ESR1: variants seen among roughly 807,000 people sequenced by gnomAD.
The protein encoded by ESR1 is estrogen receptor 1.
Under a neutral mutation model 52.7 loss-of-function variants are expected in ESR1, and 12 were observed. That is an observed-to-expected ratio of 0.23 (90% CI 0.15 to 0.37). The LOEUF is 0.37. Ranked by LOEUF, ESR1 falls within the 10% of genes least tolerant of loss-of-function variation. The probability of loss-of-function intolerance (pLI) is 1.00; values close to 1 mark genes in which losing one functional copy is unlikely to be tolerated. For synonymous variants in ESR1, 305 were observed against 316.8 expected (o/e 0.96, Z 0.39); for missense variants, 584 against 779.7 (o/e 0.75, Z 2.99).
intron 3 of ESR1, among the ~76,000 whole-genome samples, chr6:151,919,601 G>A (rs1483102062): frequency 6.6e-5 from 10 of 152,140 alleles, no homozygotes; most frequent in Admixed American, 5.9e-4. Flanking sequence ...ACCCCATGTC[G>A]AACATGTTGA....
chr6:151,888,290 A>G lies in ESR1; in HGVS notation c.760+7519A>G, dbSNP rs78348384. On this transcript the variant is annotated intron_variant, in intron 3 of 7. Coordinates refer to ENST00000206249, the MANE Select transcript of ESR1 (RefSeq NM_000125.4). ...TATTTTTAACAATATTAATTCTTCC[A>G]GTCTATGTATGGTATATCTTTCCAT... is the stretch of plus-strand genomic sequence containing the variant. Among the ~76,000 whole-genome samples, 147 of 152,284 alleles carry G rather than the reference A, an allele frequency of 9.7e-4. 1 individual carries two copies. Among genetic ancestry groups the G allele is most frequent in the East Asian group, 7.5e-3 (39 of 5,194 alleles).
chr6:152,122,814 C>G, intron 6 of ESR1: 1 of 1,322,056 alleles, frequency 7.6e-7, no homozygotes, highest in Non-Finnish European at 1.1e-6. Context: ...CAGCCTTCCA[C>G]AGTGTGCCCA....
intron 3 of ESR1, among the ~76,000 whole-genome samples, chr6:151,922,457 G>A (rs553452413): frequency 1.4e-4 from 22 of 152,254 alleles, no homozygotes; most frequent in Admixed American, 9.2e-4. Flanking sequence ...ATTAGTATCA[G>A]CCATCTAGAA....
intron 2 of ESR1, among the ~76,000 whole-genome samples, chr6:151,795,446 C>T (rs1018996943): frequency 6.7e-6 from 1 of 149,068 alleles, no homozygotes; most frequent in African/African-American, 2.5e-5. Context: ...TGAAATCGCA[C>T]CACTGCACTC....
intron 3 of ESR1, among the ~76,000 whole-genome samples, chr6:151,912,290 A>T (rs541793375): frequency 1.3e-5 from 2 of 152,342 alleles, no homozygotes; most frequent in South Asian, 4.1e-4. Flanking sequence ...TTCGGTTGAA[A>T]CAGATTTTGG....
chr6:151,950,836 A>C (rs887963773), intron 4 of ESR1, among the ~76,000 whole-genome samples: 1 of 141,230 alleles, frequency 7.1e-6, no homozygotes, highest in Non-Finnish European at 1.6e-5. Context: ...CTAGTTTTTG[A>C]TACTTTGTAT....
At chr6:152,066,192 C>T (rs1024229320) in intron 6 of ESR1, among the ~76,000 whole-genome samples, 1 of 152,224 alleles carries the variant, frequency 6.6e-6, no homozygotes, top group African/African-American at 2.4e-5. Context: ...TCAGAAGCCA[C>T]TCTCTGGTCA....
rs74332912 is a variant in ESR1, at chr6:151,986,887, G to A, written c.1097-24769G>A. On this transcript the variant is annotated intron_variant, in intron 4 of 7. Transcript: ENST00000206249. ...TCTCAGTTTTTGTTGTATGCTCACG[G>A]AGTATGTGTGTGAGCATGTGTGTGT... 2.8e-3 allele frequency among the ~76,000 whole-genome samples: 418 copies of A among 151,980 alleles called. 8 individuals carry two copies. The highest frequency in any genetic ancestry group is 9.8e-3 in the African/African-American group (405 of 41,392).
chr6:152,109,862 C>G (rs780058012), intron 6 of ESR1, among the ~76,000 whole-genome samples: 1 of 152,130 alleles, frequency 6.6e-6, no homozygotes, highest in Admixed American at 6.5e-5. Flanking sequence ...TTTCCTGCAA[C>G]GGGAGACACC....
chr6:151,972,706 G>A lies in ESR1; in HGVS notation c.1096+28198G>A, dbSNP rs570851806. ...CTAGAGGGACAGAACTAATAGGATA[G>A]ATGTATATATAAAGGGGAGTTTATT... On this transcript the variant is annotated intron_variant, in intron 4 of 7. Transcript: ENST00000206249. Among the ~76,000 whole-genome samples, 15 of 152,294 alleles carry A rather than the reference G, an allele frequency of 9.8e-5. No homozygotes were observed. In the East Asian group the frequency reaches 2.5e-3, roughly 25 times the overall value.
At chr6:151,686,296 T>C (rs1341375221), upstream of ESR1, among the ~76,000 whole-genome samples, 5 of 152,066 alleles carry the variant, frequency 3.3e-5, no homozygotes, top group African/African-American at 1.2e-4. Context: ...TACAGTGTCA[T>C]TGAGGATGGG....
At chr6:152,030,181 A>G (rs1431643618) in intron 5 of ESR1, among the ~76,000 whole-genome samples, 1 of 152,240 alleles carries the variant, frequency 6.6e-6, no homozygotes, top group African/African-American at 2.4e-5. Flanking sequence ...CAGCCACTGC[A>G]AAAACATGCA....
chr6:152,128,948 G>A (rs989134111), exon 7 of ESR1: 3 of 152,372 alleles, frequency 2.0e-5, no homozygotes, highest in South Asian at 2.1e-4. Context: ...GTTGGATGAC[G>A]TTTGCCATTC....
intron 5 of ESR1, among the ~76,000 whole-genome samples, chr6:152,025,029 A>G (rs1428207073): frequency 6.9e-6 from 1 of 144,918 alleles, no homozygotes; most frequent in African/African-American, 2.7e-5. Flanking sequence ...TAAAAATAGT[A>G]GCAGTCATAG....
At chr6:151,818,976 G>C (rs909452968) in intron 1 of ESR1, among the ~76,000 whole-genome samples, 2 of 152,096 alleles carry the variant, frequency 1.3e-5, no homozygotes, top group Non-Finnish European at 2.9e-5. Flanking sequence ...CCTTGTATTT[G>C]GTTCCAATCA....
At chr6:151,806,129 A>G (rs2128149724), upstream of ESR1, among the ~76,000 whole-genome samples, 1 of 152,326 alleles carries the variant, frequency 6.6e-6, no homozygotes, top group Non-Finnish European at 1.5e-5. Context: ...GAAAGTAATG[A>G]TTGCTGGCCA....
intron 1 of ESR1, among the ~76,000 whole-genome samples, chr6:151,669,185 A>AGAGAGGGAGCTGG (rs1777952138): frequency 8.7e-6 from 1 of 115,336 alleles, no homozygotes; most frequent in Non-Finnish European, 1.9e-5. Flanking sequence ...AGAGAGAGAG[A>AGAGAGGGAGCTGG]GAGATGGGAA....
chr6:152,033,800 A>T (rs1278677036), intron 5 of ESR1, among the ~76,000 whole-genome samples: 1 of 152,200 alleles, frequency 6.6e-6, no homozygotes, highest in Admixed American at 6.5e-5. Context: ...CTGGGTATAT[A>T]CCCAAAGGAT....
chr6:151,964,828 C>T lies in ESR1; in HGVS notation c.1096+20320C>T, dbSNP rs572502019. Among the ~76,000 whole-genome samples, 10 of 152,054 alleles carry T rather than the reference C, an allele frequency of 6.6e-5. No individual in the cohort carries two copies. The East Asian group carries it at 1.6e-3, about 24-fold the overall frequency. ...AGCTAATTTTTTTGTATTTTTAGTA[C>T]AGACGGAGTTTCACTGTGTTAGCCA... On this transcript the variant is annotated intron_variant, in intron 4 of 7. Coordinates refer to ENST00000206249, the MANE Select transcript of ESR1 (RefSeq NM_000125.4).
Sources: gnomAD v4.1 joint callset for allele counts (sites outside exome capture counted in the v4.1 genomes callset) on GRCh38, gnomAD v4.1.1 for gene constraint, MANE v1.5 for transcripts, NCBI Gene and HGNC (gene_info 2026-07-23, HGNC 2026-07-21) for gene names.